The following ARHGAP12 variants were observed in gnomAD, a reference collection of about 807,000 sequenced individuals.
The protein encoded by ARHGAP12 is rho GTPase-activating protein 12.
ARHGAP12 carries 64 observed loss-of-function variants against 108.6 expected under a neutral mutation model. The ratio of observed to expected loss-of-function variants is 0.59; its 90% CI spans 0.48 to 0.73. The LOEUF is 0.73. Among genes scored for constraint, ARHGAP12 ranks in the 30% least tolerant of loss-of-function variants. The pLI is 0.00. For missense variants in ARHGAP12, 940 were observed against 1,005.9 expected (o/e 0.93, Z 0.89); for synonymous variants, 312 against 337.2 (o/e 0.93, Z 0.82).
intron 11 of ARHGAP12, among the ~76,000 whole-genome samples, chr10:31,823,676 T>G (rs1835497688): frequency 6.6e-6 from 1 of 152,106 alleles, no homozygotes; most frequent in Admixed American, 6.5e-5. Flanking sequence ...TATATAGATT[T>G]CTCCTATAAT....
chr10:31,871,371 T>G (rs752557063), intron 3 of ARHGAP12, among the ~76,000 whole-genome samples: 2 of 152,176 alleles, frequency 1.3e-5, no homozygotes, highest in African/African-American at 4.8e-5. Context: ...TTTCTAGTTA[T>G]TGAAACTCAG....
chr10:31,877,005 T>C (rs528305420), intron 3 of ARHGAP12, among the ~76,000 whole-genome samples: 1 of 152,350 alleles, frequency 6.6e-6, no homozygotes, highest in African/African-American at 2.4e-5. Context: ...CCAAGATCAC[T>C]TGAGACATGT....
chr10:31,845,085 G>A (rs1455821535), intron 6 of ARHGAP12, among the ~76,000 whole-genome samples: 1 of 152,030 alleles, frequency 6.6e-6, no homozygotes, highest in African/African-American at 2.4e-5. Context: ...AAATCTTACA[G>A]ACCTTTAATA....
intron 3 of ARHGAP12, among the ~76,000 whole-genome samples, chr10:31,903,520 G>A (rs1004969314): frequency 1.3e-5 from 2 of 152,130 alleles, no homozygotes; most frequent in African/African-American, 2.4e-5. Context: ...AAGGGAAAAC[G>A]GATAAACTGG....
At chr10:31,847,712 A>G (rs1253912822) in intron 6 of ARHGAP12, among the ~76,000 whole-genome samples, 1 of 152,084 alleles carries the variant, frequency 6.6e-6, no homozygotes, top group East Asian at 1.9e-4. Context: ...GGTTCCTTGC[A>G]TGCACTGTGG....
intron 3 of ARHGAP12, among the ~76,000 whole-genome samples, chr10:31,867,020 A>G (rs1176847988): frequency 1.3e-5 from 2 of 152,214 alleles, no homozygotes; most frequent in African/African-American, 4.8e-5. Context: ...GAGACTTAAC[A>G]GTAATTCTAA....
At position 31,812,831 on chromosome 10, in the gene ARHGAP12, C is replaced by G; in HGVS notation, c.1835-8G>C. On this transcript the variant is annotated splice_polypyrimidine_tract_variant and splice_region_variant and intron_variant, in intron 14 of 19. Transcript: ENST00000344936. ...TGCTAGATACTTTAAAGGCTTAAGACAAAAAGACAGGTAATGAGCATTTGT... is the reference window on the plus strand; with the variant it reads ...TGCTAGATACTTTAAAGGCTTAAGAGAAAAAGACAGGTAATGAGCATTTGT... The G allele has an allele frequency of 6.8e-7, 1 of 1,478,864 alleles. No homozygotes were observed. Among genetic ancestry groups the G allele is most frequent in the Non-Finnish European group, 9.2e-7 (1 of 1,088,658 alleles). 91.6% of individuals were successfully genotyped at this position (1,478,864 alleles called of 1,614,324 possible).
At chr10:31,852,729 C>CTTTTTTTTTTTTTTTTTTTTTTTT (rs398013156) in intron 5 of ARHGAP12, 132 bp from the exon 6 acceptor site, 1 of 208,020 alleles carries the variant, frequency 4.8e-6, no homozygotes, top group Non-Finnish European at 8.5e-6. Flanking sequence ...ACAAAAAATT[C>CTTTTTTTTTTTTTTTTTTTTTTTT]TTTTTTTTTT....
chr10:31,899,576 C>T (rs1838840741), intron 3 of ARHGAP12, among the ~76,000 whole-genome samples: 1 of 152,076 alleles, frequency 6.6e-6, no homozygotes, highest in Admixed American at 6.6e-5. Flanking sequence ...CAGAAACATA[C>T]CCACAAAAAT....
intron 3 of ARHGAP12, among the ~76,000 whole-genome samples, chr10:31,870,882 A>ATT (rs1837515808): frequency 6.6e-6 from 1 of 152,210 alleles, no homozygotes; most frequent in Non-Finnish European, 1.5e-5. Context: ...GTACACTGAT[A>ATT]TTTTCATGGT....
chr10:31,877,870 T>C lies in ARHGAP12; in HGVS notation c.685-16212A>G, dbSNP rs1044927913. Among the ~76,000 whole-genome samples the C allele has an allele frequency of 2.6e-5, 4 of 152,264 alleles. No homozygotes were observed. The East Asian group carries it at 7.7e-4, about 29-fold the overall frequency. On this transcript the variant is annotated intron_variant, in intron 3 of 19. Coordinates refer to ENST00000344936, the MANE Select transcript of ARHGAP12 (RefSeq NM_018287.7). ...ACTTTGGGAAGTCAAGGCGGGCACA[T>C]AGCTTGAGCCCAGCAGTTTGAGACC...
chr10:31,922,093 G>C (rs1839840833), intron 1 of ARHGAP12, among the ~76,000 whole-genome samples: 1 of 147,628 alleles, frequency 6.8e-6, no homozygotes, highest in Admixed American at 6.8e-5. Flanking sequence ...TCAGGAGGCT[G>C]AGGCTTGTGT....
intron 1 of ARHGAP12, 23 bp from the exon 2 acceptor site, chr10:31,910,586 A>C (rs1346102497): frequency 6.6e-6 from 1 of 152,250 alleles, no homozygotes; most frequent in Non-Finnish European, 1.5e-5. Context: ...AAATAAGTTC[A>C]TTAACTCAAA....
chr10:31,885,476 A>C (rs192773539), intron 3 of ARHGAP12, among the ~76,000 whole-genome samples: 2 of 152,166 alleles, frequency 1.3e-5, no homozygotes, highest in East Asian at 3.9e-4. Flanking sequence ...TGCTTTGCCT[A>C]CTTTCCAACA....
chr10:31,928,555 G>A (rs1246150458), intron 1 of ARHGAP12, 128 bp downstream of exon 1: 1 of 151,602 alleles, frequency 6.6e-6, no homozygotes, highest in Non-Finnish European at 1.5e-5. Context: ...CGCCGCCGCC[G>A]CGCCTCCCGC....
intron 19 of ARHGAP12, among the ~76,000 whole-genome samples, chr10:31,808,047 T>C (rs1452615328): frequency 1.3e-5 from 2 of 152,230 alleles, no homozygotes; most frequent in African/African-American, 4.8e-5. Flanking sequence ...CAATTAAGCA[T>C]ACTCTAACAA....
At chr10:31,834,264 T>C (rs1470788320) in intron 9 of ARHGAP12, among the ~76,000 whole-genome samples, 3 of 152,210 alleles carry the variant, frequency 2.0e-5, no homozygotes, top group Non-Finnish European at 2.9e-5. Flanking sequence ...TCCCTCAAAA[T>C]TTGTACGTTG....
intron 4 of ARHGAP12, among the ~76,000 whole-genome samples, chr10:31,858,217 G>A (rs544979373): frequency 2.0e-5 from 3 of 152,194 alleles, no homozygotes; most frequent in East Asian, 3.9e-4. Context: ...GCCAAAAAAG[G>A]CTCATATTTA....
chr10:31,874,101 T>C (rs1469209048), intron 3 of ARHGAP12, among the ~76,000 whole-genome samples: 1 of 152,198 alleles, frequency 6.6e-6, no homozygotes, highest in Non-Finnish European at 1.5e-5. Context: ...TGATCACTTG[T>C]TGAAAGCATA....
Sources: allele counts gnomAD v4.1 joint callset (sites outside exome capture counted in the v4.1 genomes callset), GRCh38; gene constraint gnomAD v4.1.1; transcripts MANE v1.5; gene names NCBI Gene and HGNC (gene_info 2026-07-23, HGNC 2026-07-21).